Variants in PTPRN2 observed in about 807,000 individuals in gnomAD.
PTPRN2 encodes the protein receptor-type tyrosine-protein phosphatase N2.
In PTPRN2, 74 loss-of-function variants were observed where a neutral mutation model predicts 118.8. The observed-to-expected ratio is 0.62, with a 90% CI of 0.52 to 0.76. The LOEUF (loss-of-function observed/expected upper bound fraction) is 0.76, where lower values mean the gene tolerates loss of function less well. Ranked by LOEUF, PTPRN2 falls within the 30% of genes least tolerant of loss-of-function variation. PTPRN2 has a pLI of 0.00. For missense variants in PTPRN2, 1,481 were observed against 1,394.4 expected (o/e 1.06, Z -0.99); for synonymous variants, 641 against 608.0 (o/e 1.05, Z -0.80).
At chr7:158,169,677 C>T (rs1022960266) in intron 5 of PTPRN2, among the ~76,000 whole-genome samples, 11 of 152,028 alleles carry the variant, frequency 7.2e-5, no homozygotes, top group African/African-American at 2.4e-4. Flanking sequence ...AAAAGGAAAT[C>T]GGACATTATC....
At chr7:158,422,140 T>A (rs1010006504) in intron 2 of PTPRN2, among the ~76,000 whole-genome samples, 1 of 152,248 alleles carries the variant, frequency 6.6e-6, no homozygotes, top group African/African-American at 2.4e-5. Flanking sequence ...CCATTAATTT[T>A]ACGAGCTGAC....
At chr7:157,936,729 C>T (rs902493661) in intron 11 of PTPRN2, among the ~76,000 whole-genome samples, 15 of 151,796 alleles carry the variant, frequency 9.9e-5, no homozygotes, top group Non-Finnish European at 1.8e-4. Flanking sequence ...CTCCTCCACT[C>T]GGAAGCCAGG....
intron 21 of PTPRN2, among the ~76,000 whole-genome samples, chr7:157,552,230 C>G (rs1798668989): frequency 6.6e-6 from 1 of 152,184 alleles, no homozygotes; most frequent in South Asian, 2.1e-4. Flanking sequence ...AAGACGTTTG[C>G]TGTTTAATTA....
chr7:158,309,611 A>T (rs1801548149), intron 3 of PTPRN2, among the ~76,000 whole-genome samples: 1 of 152,228 alleles, frequency 6.6e-6, no homozygotes, highest in Non-Finnish European at 1.5e-5. Context: ...TCAAAAGATT[A>T]AGAGATATCC....
intron 12 of PTPRN2, among the ~76,000 whole-genome samples, chr7:157,847,146 T>C (rs371750173): frequency 2.5e-3 from 343 of 134,710 alleles, no homozygotes; most frequent in South Asian, 0.016. Context: ...TCTCACTCCA[T>C]CATGCGTGCC....
intron 1 of PTPRN2, among the ~76,000 whole-genome samples, chr7:158,493,727 G>A (rs559208405): frequency 1.0e-4 from 7 of 69,688 alleles, no homozygotes; most frequent in East Asian, 9.6e-4. Context: ...CTGCAGACAC[G>A]TACACGTATG....
intron 8 of PTPRN2, among the ~76,000 whole-genome samples, chr7:158,135,548 G>C (rs1450234435): frequency 6.6e-6 from 1 of 152,132 alleles, no homozygotes; most frequent in Non-Finnish European, 1.5e-5. Context: ...ACAGAGAACT[G>C]AGTCAGAATT....
At position 158,587,822 on chromosome 7, in the gene PTPRN2, A is replaced by G. The variant is rs1387217343; in HGVS notation, c.-153T>C. 8.3e-6 allele frequency: 6 copies of G among 720,574 alleles called. No individual in the cohort carries two copies. Among genetic ancestry groups the G allele is most frequent in the Admixed American group, 6.5e-5 (1 of 15,492 alleles). The allele number at this position is 720,574 out of a possible 1,614,324, so 44.6% of individuals were successfully genotyped here. On this transcript the variant is annotated 5_prime_UTR_variant, in exon 1 of 23. Transcript: ENST00000389418. ...ACGCCGGGCCGAGCTTCAGCACCGG[A>G]CAGCGCCCGGCCCCGCCCCGGCCCC...
intron 2 of PTPRN2, among the ~76,000 whole-genome samples, chr7:158,441,505 ATGGCAGTGG>A (rs1370565852): frequency 1.7e-4 from 23 of 134,450 alleles, no homozygotes; most frequent in African/African-American, 4.2e-4. Flanking sequence ...AGTGATGGTG[ATGGCAGTGG>A]TGGCAGTGGT....
chr7:157,887,958 G>C (rs1335730108), intron 12 of PTPRN2, among the ~76,000 whole-genome samples: 1 of 150,024 alleles, frequency 6.7e-6, no homozygotes, highest in East Asian at 2.0e-4. Context: ...GCCCACACAG[G>C]CACCACCGCC....
At chr7:158,124,333 G>A (rs1437380883) in intron 9 of PTPRN2, among the ~76,000 whole-genome samples, 6 of 152,206 alleles carry the variant, frequency 3.9e-5, no homozygotes, top group African/African-American at 1.4e-4. Flanking sequence ...CCTGGGCCTG[G>A]TTTACAGATG....
intron 1 of PTPRN2, among the ~76,000 whole-genome samples, chr7:158,586,755 C>CG (rs370799058): frequency 3.3e-5 from 5 of 152,122 alleles, no homozygotes; most frequent in Admixed American, 6.5e-5. Flanking sequence ...GCGCTGCCCG[C>CG]GGGGGGGTGC....
At chr7:158,341,370 G>T (rs577960524) in intron 2 of PTPRN2, among the ~76,000 whole-genome samples, 2 of 142,366 alleles carry the variant, frequency 1.4e-5, no homozygotes, top group South Asian at 2.2e-4. Flanking sequence ...ACATGCAGAC[G>T]TCACTCACAC....
At chr7:157,810,512 C>T (rs566672019) in intron 12 of PTPRN2, among the ~76,000 whole-genome samples, 7 of 136,076 alleles carry the variant, frequency 5.1e-5, no homozygotes, top group African/African-American at 1.1e-4. Context: ...ATGGGGACGG[C>T]GGGACTGCTG....
At chr7:158,319,430 A>ACAGCCCCCCTCACACACG (rs1554455031) in intron 2 of PTPRN2, among the ~76,000 whole-genome samples, 2 of 90,740 alleles carry the variant, frequency 2.2e-5, no homozygotes, top group Non-Finnish European at 4.5e-5. Context: ...ACACACACAC[A>ACAGCCCCCCTCACACACG]CACACAGCCT....
At position 157,891,066 on chromosome 7, in the gene PTPRN2, C is replaced by G. The variant is rs966916515; in HGVS notation, c.1788+7607G>C. Among the ~76,000 whole-genome samples the G allele has an allele frequency of 3.9e-5, 6 of 152,210 alleles. No individual in the cohort carries two copies. The East Asian group carries it at 1.2e-3, about 29-fold the overall frequency. ...AAGGCCCCCCTCTGTCCCGTCCTCT[C>G]CTGGGTCACACCTGGGTGTGCAGAA... On this transcript the variant is annotated intron_variant, in intron 12 of 22. Coordinates refer to ENST00000389418, the MANE Select transcript of PTPRN2 (RefSeq NM_002847.5).
chr7:158,419,408 T>TTGCAGGAATTCCGTCAC (rs1554497642), intron 2 of PTPRN2, among the ~76,000 whole-genome samples: 30 of 151,558 alleles, frequency 2.0e-4, no homozygotes, highest in Admixed American at 3.3e-4. Context: ...AATTCCATCA[T>TTGCAGGAATTCCGTCAC]TGCAAGAATT....
At chr7:158,290,850 G>A (rs906735361) in intron 3 of PTPRN2, among the ~76,000 whole-genome samples, 1 of 152,190 alleles carries the variant, frequency 6.6e-6, no homozygotes, top group African/African-American at 2.4e-5. Context: ...TGTTCAAATT[G>A]TTGTTTCTGT....
chr7:158,451,037 C>T (rs1348523325), intron 2 of PTPRN2, among the ~76,000 whole-genome samples: 1 of 152,184 alleles, frequency 6.6e-6, no homozygotes, highest in Non-Finnish European at 1.5e-5. Flanking sequence ...CGGTTTTTGC[C>T]CGTCTAGTAG....
Sources: allele counts gnomAD v4.1 joint callset (sites outside exome capture counted in the v4.1 genomes callset), GRCh38; gene constraint gnomAD v4.1.1; transcripts MANE v1.5; gene names NCBI Gene and HGNC (gene_info 2026-07-23, HGNC 2026-07-21).